Variants in IL1RAPL1 observed in about 807,000 individuals in gnomAD.
IL1RAPL1 encodes the protein interleukin 1 receptor accessory protein like 1.
IL1RAPL1 carries 3 observed loss-of-function variants against 48.4 expected under a neutral mutation model. The ratio of observed to expected loss-of-function variants is 0.06; its 90% CI spans 0.03 to 0.16. The LOEUF is 0.16. IL1RAPL1 is among the 10% of genes least tolerant of loss of function. IL1RAPL1 has a pLI of 1.00. For synonymous variants in IL1RAPL1, 185 were observed against 187.7 expected (o/e 0.99, Z 0.12); for missense variants, 349 against 530.6 (o/e 0.66, Z 3.36).
At chrX:29,051,720 A>T (rs1235782670) in intron 2 of IL1RAPL1, among the ~76,000 whole-genome samples, 1 of 112,069 alleles carries the variant, frequency 8.9e-6, no homozygotes, top group South Asian at 3.8e-4. Flanking sequence ...ATTCAGACGT[A>T]TGTGAAATAC....
At chrX:28,809,588 A>G (rs1335606450) in intron 2 of IL1RAPL1, among the ~76,000 whole-genome samples, 1 of 110,669 alleles carries the variant, frequency 9.0e-6, no homozygotes, top group Non-Finnish European at 1.9e-5. Flanking sequence ...GTGACGAAGA[A>G]TCATGCAGTG....
At chrX:28,783,524 T>C (rs867986856) in intron 1 of IL1RAPL1, among the ~76,000 whole-genome samples, 1 of 103,761 alleles carries the variant, frequency 9.6e-6, no homozygotes, top group African/African-American at 3.6e-5. Context: ...AACAAGCAAA[T>C]TCCCACAGAG....
chrX:29,379,267 G>A (rs1304059732), intron 3 of IL1RAPL1, among the ~76,000 whole-genome samples: 1 of 112,517 alleles, frequency 8.9e-6, no homozygotes, highest in Non-Finnish European at 1.9e-5. Context: ...GGGGAATGGG[G>A]GGTATCCAGG....
intron 2 of IL1RAPL1, among the ~76,000 whole-genome samples, chrX:28,853,109 T>C (rs1921706882): frequency 1.1e-5 from 1 of 91,179 alleles, no homozygotes; most frequent in Admixed American, 1.2e-4. Flanking sequence ...CTTGAAGTTC[T>C]AATAGTTTTG....
chrX:29,793,962 G>C (rs1259140096), intron 6 of IL1RAPL1, among the ~76,000 whole-genome samples: 7 of 112,150 alleles, frequency 6.2e-5, no homozygotes, highest in Non-Finnish European at 1.1e-4. Context: ...CTAACAGTAG[G>C]GGAGGATATG....
At chrX:28,639,579 A>T (rs1303717799) in intron 1 of IL1RAPL1, among the ~76,000 whole-genome samples, 1 of 111,963 alleles carries the variant, frequency 8.9e-6, no homozygotes, top group East Asian at 2.8e-4. Flanking sequence ...TCTTAACTTG[A>T]AGGATCTCAG....
chrX:29,526,023 A>G (rs1034028218), intron 5 of IL1RAPL1, among the ~76,000 whole-genome samples: 2 of 112,027 alleles, frequency 1.8e-5, no homozygotes, highest in Non-Finnish European at 3.8e-5. Context: ...CCTAATGTAA[A>G]GGAGTCTAAT....
intron 1 of IL1RAPL1, among the ~76,000 whole-genome samples, chrX:28,776,329 G>A (rs1005668041): frequency 9.0e-6 from 1 of 111,689 alleles, no homozygotes; most frequent in Admixed American, 9.6e-5. Context: ...CATATGCTAA[G>A]TACTGGGAAG....
chrX:29,942,081 C>T (rs1933139351), intron 9 of IL1RAPL1, among the ~76,000 whole-genome samples: 1 of 111,980 alleles, frequency 8.9e-6, no homozygotes, highest in African/African-American at 3.2e-5. Context: ...TCAGAGTGTT[C>T]CTTTTCTCTC....
At chrX:29,418,125 A>ATAT (rs1474269220) in intron 5 of IL1RAPL1, among the ~76,000 whole-genome samples, 3 of 26,712 alleles carry the variant, frequency 1.1e-4, no homozygotes, top group Admixed American at 7.6e-4. Flanking sequence ...ATATATATAT[A>ATAT]TTTTTTTTTT....
At chrX:29,114,905 A>C (rs1928647720) in intron 2 of IL1RAPL1, among the ~76,000 whole-genome samples, 1 of 111,622 alleles carries the variant, frequency 9.0e-6, no homozygotes, top group Non-Finnish European at 1.9e-5. Flanking sequence ...TGGGATTAGA[A>C]GCATGAGCCA....
At chrX:29,268,593 G>T (rs1242685646) in intron 2 of IL1RAPL1, among the ~76,000 whole-genome samples, 1 of 112,119 alleles carries the variant, frequency 8.9e-6, no homozygotes, top group East Asian at 2.8e-4. Context: ...CACAGCCTTG[G>T]TTAGCTTTGA....
At chrX:29,767,822 T>C (rs995232188) in intron 6 of IL1RAPL1, among the ~76,000 whole-genome samples, 12 of 111,694 alleles carry the variant, frequency 1.1e-4, no homozygotes, top group Admixed American at 8.6e-4. Flanking sequence ...AACATTAAGG[T>C]AATTAAGAAG....
chrX:29,263,210 T>C (rs1183421612), intron 2 of IL1RAPL1, among the ~76,000 whole-genome samples: 1 of 111,805 alleles, frequency 8.9e-6, no homozygotes, highest in Non-Finnish European at 1.9e-5. Context: ...GCAGACATTA[T>C]GTTTTATACT....
intron 1 of IL1RAPL1, among the ~76,000 whole-genome samples, chrX:28,666,136 T>A (rs1016766379): frequency 9.0e-6 from 1 of 111,709 alleles, no homozygotes; most frequent in East Asian, 2.8e-4. Flanking sequence ...CCCACTAGGC[T>A]GTGGTACCCT....
rs1931243691 is a variant in IL1RAPL1, at chrX:29,846,223, A to C, written c.779-71241A>C. ...CACAAGATAACCCTACCCATCAATG[A>C]GAATTGAGGCCAGTACTGCAGAATG... On this transcript the variant is annotated intron_variant, in intron 6 of 10. Coordinates refer to ENST00000378993, the MANE Select transcript of IL1RAPL1 (RefSeq NM_014271.4). Among the ~76,000 whole-genome samples the C allele has an allele frequency of 3.6e-5, 4 of 111,532 alleles. No homozygotes were observed. In the South Asian group the frequency reaches 1.5e-3, roughly 42 times the overall value.
rs191637339 is a variant in IL1RAPL1 at position 29,757,811 on chromosome X, T to C, written c.778+89307T>C. 4.0e-4 allele frequency among the ~76,000 whole-genome samples: 45 copies of C among 112,112 alleles called. No individual in the cohort carries two copies. In the Admixed American group the frequency reaches 4.2e-3, roughly 10 times the overall value. On this transcript the variant is annotated intron_variant, in intron 6 of 10. Coordinates refer to ENST00000378993, the MANE Select transcript of IL1RAPL1 (RefSeq NM_014271.4). Reference sequence around the variant, plus strand: ...ATGGACAAACTGTTTGACACCAATATATGTGGGAAAGGTCAGGGCTTCTAA... The same window carrying C: ...ATGGACAAACTGTTTGACACCAATACATGTGGGAAAGGTCAGGGCTTCTAA...
intron 1 of IL1RAPL1, among the ~76,000 whole-genome samples, chrX:28,589,711 A>G (rs770346832): frequency 8.9e-6 from 1 of 111,848 alleles, no homozygotes; most frequent in East Asian, 2.8e-4. Context: ...TTTTCCTGGT[A>G]GAGCTTGATG....
intron 3 of IL1RAPL1, among the ~76,000 whole-genome samples, chrX:29,382,575 A>G (rs1378775845): frequency 2.7e-5 from 3 of 112,345 alleles, no homozygotes; most frequent in Non-Finnish European, 3.8e-5. Flanking sequence ...GACATACACA[A>G]ATATTTAGCT....
Sources: gnomAD v4.1 joint callset for allele counts (sites outside exome capture counted in the v4.1 genomes callset) on GRCh38, gnomAD v4.1.1 for gene constraint, MANE v1.5 for transcripts, NCBI Gene and HGNC (gene_info 2026-07-23, HGNC 2026-07-21) for gene names.